The following SH3GL3 variants were observed in gnomAD, a reference collection of about 807,000 sequenced individuals.
The protein encoded by SH3GL3 is SH3 domain containing GRB2 like 3, endophilin A3.
SH3GL3 carries 33 observed loss-of-function variants against 47.7 expected under a neutral mutation model. That is an observed-to-expected ratio of 0.69 (90% confidence interval 0.52 to 0.92). SH3GL3 has a LOEUF of 0.92. Among genes scored for constraint, SH3GL3 ranks in the 40% least tolerant of loss-of-function variants. The pLI, the probability that SH3GL3 is intolerant of heterozygous loss-of-function variation, is 0.00. For missense variants in SH3GL3, 363 were observed against 417.8 expected (o/e 0.87, Z 1.14); for synonymous variants, 155 against 148.8 (o/e 1.04, Z -0.30).
Position 83,603,638 on chromosome 15 carries a change from C to G in SH3GL3, c.839-14444C>G, listed in dbSNP as rs1260912536. On this transcript the variant is annotated intron_variant, in intron 8 of 8. Coordinates refer to ENST00000427482, the MANE Select transcript of SH3GL3 (RefSeq NM_003027.5). ...CTTTTCCAATGCATTAGGAACCAAC[C>G]TCTGCTCTTTCTTTTATCTTTGCTT... Among the ~76,000 whole-genome samples the G allele has an allele frequency of 2.0e-5, 3 of 152,108 alleles. No homozygotes were observed. In the East Asian group the frequency reaches 5.8e-4, roughly 29 times the overall value.
chr15:83,511,734 T>G (rs990937474), intron 1 of SH3GL3, among the ~76,000 whole-genome samples: 3 of 152,144 alleles, frequency 2.0e-5, no homozygotes, highest in African/African-American at 7.2e-5. Flanking sequence ...CTCTCTTTTC[T>G]CTCTCCCAGT....
chr15:83,544,246 T>G (rs1326956722), intron 1 of SH3GL3, among the ~76,000 whole-genome samples: 1 of 152,158 alleles, frequency 6.6e-6, no homozygotes, highest in African/African-American at 2.4e-5. Flanking sequence ...TAAAATTTCC[T>G]TCTTCATTTC....
At chr15:83,607,379 A>G (rs1394119043) in intron 8 of SH3GL3, among the ~76,000 whole-genome samples, 1 of 152,202 alleles carries the variant, frequency 6.6e-6, no homozygotes, top group Non-Finnish European at 1.5e-5. Context: ...GACAGCCCCT[A>G]GAGTTGTCCA....
chr15:83,501,904 G>GA (rs1025808243), intron 1 of SH3GL3, among the ~76,000 whole-genome samples: 4 of 151,468 alleles, frequency 2.6e-5, no homozygotes, highest in Admixed American at 1.3e-4. Flanking sequence ...AAAAAGAAAA[G>GA]AAAAAAAAGA....
the SH3GL3 span, among the ~76,000 whole-genome samples, chr15:83,626,121 C>G: frequency 6.6e-6 from 1 of 152,182 alleles, no homozygotes; most frequent in African/African-American, 2.4e-5. Flanking sequence ...CATGAGCTAT[C>G]GCACCCAACC....
At chr15:83,461,460 A>G (rs1423117526) in intron 1 of SH3GL3, among the ~76,000 whole-genome samples, 1 of 152,130 alleles carries the variant, frequency 6.6e-6, no homozygotes, top group Admixed American at 6.6e-5. Flanking sequence ...ATTCTTTAAT[A>G]TTTTATTTTC....
At chr15:83,597,951 C>T (rs2060276379) in intron 8 of SH3GL3, among the ~76,000 whole-genome samples, 1 of 152,196 alleles carries the variant, frequency 6.6e-6, no homozygotes, top group Non-Finnish European at 1.5e-5. Context: ...TTCTTATCTC[C>T]TTGAGTGTTT....
intron 1 of SH3GL3, among the ~76,000 whole-genome samples, chr15:83,472,911 A>C (rs977283780): frequency 2.6e-5 from 4 of 152,250 alleles, no homozygotes; most frequent in Admixed American, 2.0e-4. Context: ...GTCTCCTCTC[A>C]GACTTCACTG....
At chr15:83,632,896 A>T in the SH3GL3 span, among the ~76,000 whole-genome samples, 1 of 152,340 alleles carries the variant, frequency 6.6e-6, no homozygotes, top group Admixed American at 6.5e-5. Flanking sequence ...AAAGATTTGG[A>T]GAGACACGCC....
At chr15:83,516,960 A>G (rs2151641957) in intron 1 of SH3GL3, among the ~76,000 whole-genome samples, 1 of 151,460 alleles carries the variant, frequency 6.6e-6, no homozygotes, top group Non-Finnish European at 1.5e-5. Flanking sequence ...GTTCATTTTT[A>G]TGGCAGTATA....
At chr15:83,539,442 C>G (rs1387972377) in intron 1 of SH3GL3, among the ~76,000 whole-genome samples, 1 of 152,194 alleles carries the variant, frequency 6.6e-6, no homozygotes, top group Non-Finnish European at 1.5e-5. Flanking sequence ...TCTGAAGACT[C>G]TACCTCCTAA....
intron 1 of SH3GL3, among the ~76,000 whole-genome samples, chr15:83,513,693 T>C (rs1046359358): frequency 6.6e-5 from 10 of 152,144 alleles, no homozygotes; most frequent in African/African-American, 2.4e-4. Context: ...ATCATGACCC[T>C]CCATTCATTT....
chr15:83,617,840 G>A (rs893767758), intron 8 of SH3GL3, among the ~76,000 whole-genome samples: 6 of 152,154 alleles, frequency 3.9e-5, no homozygotes, highest in African/African-American at 1.4e-4. Context: ...GGCTGGGCAC[G>A]ACTTCTCTGC....
At chr15:83,585,990 C>T (rs922584911) in intron 6 of SH3GL3, among the ~76,000 whole-genome samples, 1 of 152,184 alleles carries the variant, frequency 6.6e-6, no homozygotes, top group African/African-American at 2.4e-5. Flanking sequence ...AATCAGCAGG[C>T]AGACTTTGCC....
intron 1 of SH3GL3, among the ~76,000 whole-genome samples, chr15:83,467,683 C>CTG (rs1212682841): frequency 2.0e-5 from 3 of 152,116 alleles, no homozygotes; most frequent in Middle Eastern, 3.2e-3. Context: ...TGGTGTATCT[C>CTG]TGTGTGTATT....
At chr15:83,554,361 GT>G (rs1271022143) in intron 1 of SH3GL3, among the ~76,000 whole-genome samples, 6 of 151,824 alleles carry the variant, frequency 4.0e-5, no homozygotes. Context: ...CTAATTTTGT[GT>G]TTTTAGTAGA....
intron 1 of SH3GL3, among the ~76,000 whole-genome samples, chr15:83,535,121 A>G (rs2043848951): frequency 6.6e-6 from 1 of 152,136 alleles, no homozygotes; most frequent in African/African-American, 2.4e-5. Context: ...ACTATCATAG[A>G]TCAAAGCCTA....
chr15:83,467,943 T>C (rs1371650190), intron 1 of SH3GL3, among the ~76,000 whole-genome samples: 1 of 152,202 alleles, frequency 6.6e-6, no homozygotes, highest in Non-Finnish European at 1.5e-5. Flanking sequence ...TTCTCCTGCC[T>C]CAGCCTCCCG....
chr15:83,540,396 G>T (rs1415232491), intron 1 of SH3GL3, among the ~76,000 whole-genome samples: 1 of 152,068 alleles, frequency 6.6e-6, no homozygotes, highest in Non-Finnish European at 1.5e-5. Flanking sequence ...AAAATATTTG[G>T]AATTGTTTCT....
Sources: gnomAD v4.1 joint callset for allele counts (sites outside exome capture counted in the v4.1 genomes callset) on GRCh38, gnomAD v4.1.1 for gene constraint, MANE v1.5 for transcripts, NCBI Gene and HGNC (gene_info 2026-07-23, HGNC 2026-07-21) for gene names.